THSD4: variants seen among roughly 807,000 people sequenced by gnomAD.
THSD4 encodes the protein thrombospondin type-1 domain-containing protein 4.
THSD4 carries 69 observed loss-of-function variants against 119.0 expected under a neutral mutation model. The ratio of observed to expected loss-of-function variants is 0.58; its 90% CI spans 0.48 to 0.71. The LOEUF (loss-of-function observed/expected upper bound fraction) is 0.71, where lower values mean the gene tolerates loss of function less well. Ranked by LOEUF, THSD4 falls within the 30% of genes least tolerant of loss-of-function variation. THSD4 has a pLI of 0.00. For synonymous variants in THSD4, 524 were observed against 540.4 expected (o/e 0.97, Z 0.42); for missense variants, 1,393 against 1,391.1 (o/e 1.00, Z -0.02).
intron 7 of THSD4, among the ~76,000 whole-genome samples, chr15:71,612,188 G>C (rs987231807): frequency 3.3e-5 from 5 of 152,138 alleles, no homozygotes; most frequent in South Asian, 2.1e-4. Context: ...TTGGAAAGGG[G>C]TCATGAATGA....
intron 7 of THSD4, among the ~76,000 whole-genome samples, chr15:71,486,387 AC>A (rs2047817429): frequency 6.6e-6 from 1 of 152,134 alleles, no homozygotes; most frequent in Admixed American, 6.6e-5. Flanking sequence ...TGATGATTTT[AC>A]CCCACAGGGT....
At chr15:71,597,413 C>T (rs1380086129) in intron 7 of THSD4, among the ~76,000 whole-genome samples, 1 of 152,106 alleles carries the variant, frequency 6.6e-6, no homozygotes, top group Non-Finnish European at 1.5e-5. Context: ...GTATATATAC[C>T]AAAATACACA....
chr15:71,544,649 T>C (rs927426774), intron 7 of THSD4, among the ~76,000 whole-genome samples: 2 of 152,164 alleles, frequency 1.3e-5, no homozygotes, highest in Non-Finnish European at 2.9e-5. Context: ...GTGATTCTAC[T>C]CCTAGATATA....
At chr15:71,402,549 C>A (rs2046551350) in intron 6 of THSD4, among the ~76,000 whole-genome samples, 1 of 152,144 alleles carries the variant, frequency 6.6e-6, no homozygotes, top group Admixed American at 6.5e-5. Context: ...GATGCAGTCA[C>A]ACCAAGGCCT....
At chr15:71,739,682 A>G (rs1405811920) in intron 11 of THSD4, among the ~76,000 whole-genome samples, 2 of 152,210 alleles carry the variant, frequency 1.3e-5, no homozygotes, top group African/African-American at 4.8e-5. Context: ...GTCCTATTTT[A>G]TCCCCTGAAA....
intron 4 of THSD4, among the ~76,000 whole-genome samples, chr15:71,238,029 T>C (rs1005445850): frequency 2.0e-5 from 3 of 152,080 alleles, no homozygotes; most frequent in Non-Finnish European, 2.9e-5. Flanking sequence ...ACTGTCATGT[T>C]CTTCTCATAG....
intron 8 of THSD4, among the ~76,000 whole-genome samples, chr15:71,713,797 A>G (rs1228748027): frequency 2.0e-5 from 3 of 152,224 alleles, no homozygotes; most frequent in African/African-American, 7.2e-5. Flanking sequence ...TGATTAAGAT[A>G]GTACACTAAA....
intron 8 of THSD4, among the ~76,000 whole-genome samples, chr15:71,664,695 T>C (rs1264620537): frequency 1.3e-5 from 2 of 152,188 alleles, no homozygotes; most frequent in African/African-American, 4.8e-5. Context: ...TCTCTGTGTG[T>C]GTCCATGTCT....
intron 5 of THSD4, among the ~76,000 whole-genome samples, chr15:71,251,693 T>C (rs2044261334): frequency 6.6e-6 from 1 of 152,192 alleles, no homozygotes; most frequent in South Asian, 2.1e-4. Flanking sequence ...TCATGTTCCT[T>C]GGCACCGCTA....
At chr15:71,379,559 C>A (rs939190249) in intron 6 of THSD4, among the ~76,000 whole-genome samples, 2 of 144,788 alleles carry the variant, frequency 1.4e-5, no homozygotes, top group African/African-American at 5.1e-5. Flanking sequence ...CCAGGGTTCA[C>A]GCCATTCTCC....
chr15:71,665,115 T>G (rs2051391105), intron 8 of THSD4, among the ~76,000 whole-genome samples: 1 of 152,184 alleles, frequency 6.6e-6, no homozygotes, highest in South Asian at 2.1e-4. Context: ...CCAGCAACAG[T>G]GTATAAGTGT....
chr15:71,463,762 C>T (rs549126625), intron 7 of THSD4, among the ~76,000 whole-genome samples: 1 of 152,324 alleles, frequency 6.6e-6, no homozygotes, highest in East Asian at 1.9e-4. Flanking sequence ...TGATTAGACT[C>T]CAATCTCTTA....
At chr15:71,470,236 G>C (rs1366119453) in intron 7 of THSD4, among the ~76,000 whole-genome samples, 1 of 151,990 alleles carries the variant, frequency 6.6e-6, no homozygotes, top group Non-Finnish European at 1.5e-5. Context: ...TTTGCTTTGG[G>C]ATAATTATTT....
At chr15:71,745,920 C>A (rs1024891582) in intron 12 of THSD4, among the ~76,000 whole-genome samples, 1 of 152,168 alleles carries the variant, frequency 6.6e-6, no homozygotes, top group African/African-American at 2.4e-5. Flanking sequence ...GCTGGGATTA[C>A]GGGCGTGAGC....
At chr15:71,366,863 A>G (rs974464132) in intron 6 of THSD4, among the ~76,000 whole-genome samples, 1 of 152,144 alleles carries the variant, frequency 6.6e-6, no homozygotes, top group Non-Finnish European at 1.5e-5. Flanking sequence ...AGGGAGACCA[A>G]ATCGAACCCT....
chr15:71,121,639 A>G (rs1008917696), intron 1 of THSD4, among the ~76,000 whole-genome samples: 1 of 151,884 alleles, frequency 6.6e-6, no homozygotes, highest in Non-Finnish European at 1.5e-5. Context: ...TTGTCAGACT[A>G]CTTGTGGGCT....
chr15:71,777,092 C>T (rs2053926614), intron 17 of THSD4, 140 bp from the exon 18 acceptor site: 2 of 913,504 alleles, frequency 2.2e-6, no homozygotes, highest in Admixed American at 2.3e-5. Context: ...CCTGTGAGCC[C>T]TTGGCACACA....
At chr15:71,762,689 C>T (rs935678396) in intron 15 of THSD4, among the ~76,000 whole-genome samples, 4 of 152,148 alleles carry the variant, frequency 2.6e-5, no homozygotes, top group African/African-American at 7.2e-5. Flanking sequence ...GCCTGCAGCA[C>T]TTGAAAGAAA....
At chr15:71,358,199 AG>A (rs994702219) in intron 6 of THSD4, among the ~76,000 whole-genome samples, 28 of 152,172 alleles carry the variant, frequency 1.8e-4, no homozygotes, top group Non-Finnish European at 3.4e-4. Context: ...CTCTCACCCC[AG>A]GGTACGGCAT....
Sources: allele counts gnomAD v4.1 joint callset (sites outside exome capture counted in the v4.1 genomes callset), GRCh38; gene constraint gnomAD v4.1.1; transcripts MANE v1.5; gene names NCBI Gene and HGNC (gene_info 2026-07-23, HGNC 2026-07-21).